Variants in SSBP2 observed in about 807,000 individuals in gnomAD.
SSBP2 encodes single stranded DNA binding protein 2.
Under a neutral mutation model 61.8 loss-of-function variants are expected in SSBP2, and 17 were observed. That is an observed-to-expected ratio of 0.28 (90% CI 0.19 to 0.41). SSBP2 has a LOEUF of 0.41. Among genes scored for constraint, SSBP2 ranks in the 10% least tolerant of loss-of-function variants. The probability of loss-of-function intolerance (pLI) is 1.00; values close to 1 mark genes in which losing one functional copy is unlikely to be tolerated. For missense variants in SSBP2, 310 were observed against 458.7 expected (o/e 0.68, Z 2.96); for synonymous variants, 139 against 141.3 (o/e 0.98, Z 0.12).
intron 4 of SSBP2, among the ~76,000 whole-genome samples, chr5:81,609,649 T>G (rs1054806182): frequency 6.6e-6 from 1 of 152,134 alleles, no homozygotes; most frequent in Admixed American, 6.5e-5. Context: ...CCAAAGACAG[T>G]TTAAAGCCTG....
chr5:81,424,851 C>T (rs1444655348), intron 16 of SSBP2, among the ~76,000 whole-genome samples: 1 of 152,196 alleles, frequency 6.6e-6, no homozygotes, highest in Non-Finnish European at 1.5e-5. Context: ...GTGTACTGTA[C>T]TGAGACCACA....
chr5:81,707,945 G>T (rs1484221144), intron 1 of SSBP2, among the ~76,000 whole-genome samples: 1 of 152,102 alleles, frequency 6.6e-6, no homozygotes, highest in Non-Finnish European at 1.5e-5. Flanking sequence ...AAGAAAAAGA[G>T]CATAAAGTAC....
intron 14 of SSBP2, among the ~76,000 whole-genome samples, chr5:81,438,366 G>T (rs1057156645): frequency 7.2e-6 from 1 of 138,522 alleles, no homozygotes; most frequent in African/African-American, 2.8e-5. Context: ...AAAAAAAAAA[G>T]AAATAGAATC....
intron 4 of SSBP2, among the ~76,000 whole-genome samples, chr5:81,565,027 C>A (rs1315236473): frequency 6.6e-6 from 1 of 152,186 alleles, no homozygotes; most frequent in Non-Finnish European, 1.5e-5. Flanking sequence ...TTGAAGTATT[C>A]TTTGCAAGAG....
chr5:81,535,602 A>G (rs772491662), intron 4 of SSBP2, among the ~76,000 whole-genome samples: 3 of 152,144 alleles, frequency 2.0e-5, no homozygotes, highest in Middle Eastern at 3.2e-3. Context: ...AAATAGACCC[A>G]TATAAATATA....
At chr5:81,738,500 T>C (rs1472877383) in intron 1 of SSBP2, among the ~76,000 whole-genome samples, 1 of 152,148 alleles carries the variant, frequency 6.6e-6, no homozygotes, top group African/African-American at 2.4e-5. Context: ...CATATCCAAG[T>C]TCCTCCCAAA....
intron 1 of SSBP2, among the ~76,000 whole-genome samples, chr5:81,704,955 C>T (rs1349010704): frequency 6.6e-6 from 1 of 151,980 alleles, no homozygotes; most frequent in Non-Finnish European, 1.5e-5. Flanking sequence ...TAATATATCA[C>T]ATTTCCAAAT....
intron 8 of SSBP2, among the ~76,000 whole-genome samples, chr5:81,467,491 CA>C (rs1260912713): frequency 6.6e-6 from 1 of 151,770 alleles, no homozygotes; most frequent in Non-Finnish European, 1.5e-5. Flanking sequence ...AAGTTAAATG[CA>C]AACTTCTATT....
At chr5:81,650,904 C>G (rs1426770524) in intron 1 of SSBP2, among the ~76,000 whole-genome samples, 1 of 152,104 alleles carries the variant, frequency 6.6e-6, no homozygotes, top group Non-Finnish European at 1.5e-5. Context: ...TCACAGCAAA[C>G]TACAGCATTA....
At chr5:81,569,568 G>T (rs1773689997) in intron 4 of SSBP2, among the ~76,000 whole-genome samples, 1 of 152,128 alleles carries the variant, frequency 6.6e-6, no homozygotes, top group African/African-American at 2.4e-5. Flanking sequence ...GCTCTCCTAT[G>T]CTGAGCTTCC....
At chr5:81,507,683 G>A (rs550011906) in intron 5 of SSBP2, among the ~76,000 whole-genome samples, 1 of 152,110 alleles carries the variant, frequency 6.6e-6, no homozygotes, top group East Asian at 1.9e-4. Flanking sequence ...TTGTGGTAAA[G>A]AACATAAAGT....
chr5:81,482,880 C>T (rs1766097690), intron 6 of SSBP2, among the ~76,000 whole-genome samples: 1 of 152,192 alleles, frequency 6.6e-6, no homozygotes. Context: ...ATGCCTTCCT[C>T]ACTAAATGTA....
In SSBP2 at chr5:81,710,520, A is replaced by G. The variant is rs115035330; in HGVS notation, c.62+40461T>C. ...TTTCTATGGAATTACTGTGTCCAATATATACTGGTCTTTTAGAAGCCAAAG... is the reference window on the plus strand; with the variant it reads ...TTTCTATGGAATTACTGTGTCCAATGTATACTGGTCTTTTAGAAGCCAAAG... On this transcript the variant is annotated intron_variant, in intron 1 of 16. Coordinates refer to ENST00000320672, the MANE Select transcript of SSBP2 (RefSeq NM_012446.5). Among the ~76,000 whole-genome samples the G allele has an allele frequency of 2.4e-3, 372 of 152,174 alleles. 4 individuals carry two copies. The highest frequency in any genetic ancestry group is 0.014 in the Middle Eastern group (4 of 294).
intron 1 of SSBP2, among the ~76,000 whole-genome samples, chr5:81,740,461 A>G (rs1167444047): frequency 1.3e-5 from 2 of 152,212 alleles, no homozygotes; most frequent in Non-Finnish European, 1.5e-5. Context: ...AAACAAAGAA[A>G]TTATTTCTAT....
intron 6 of SSBP2, among the ~76,000 whole-genome samples, chr5:81,489,028 C>T (rs1267360880): frequency 6.6e-6 from 1 of 151,962 alleles, no homozygotes; most frequent in African/African-American, 2.4e-5. Context: ...TAGTCACAGA[C>T]AATACAGAAA....
At chr5:81,495,152 A>T (rs1178345486) in intron 5 of SSBP2, among the ~76,000 whole-genome samples, 1 of 152,044 alleles carries the variant, frequency 6.6e-6, no homozygotes, top group Non-Finnish European at 1.5e-5. Context: ...CTTTCTTCAT[A>T]TTAGCTAAAG....
chr5:81,510,586 C>A (rs1466672518), intron 5 of SSBP2, among the ~76,000 whole-genome samples: 2 of 152,016 alleles, frequency 1.3e-5, no homozygotes, highest in African/African-American at 2.4e-5. Context: ...CAGGGGGAAA[C>A]CCTGTCTCTA....
intron 4 of SSBP2, among the ~76,000 whole-genome samples, chr5:81,590,713 AG>A (rs1184380962): frequency 3.0e-4 from 46 of 152,244 alleles, no homozygotes; most frequent in African/African-American, 1.1e-3. Flanking sequence ...CTTTGAGAAA[AG>A]TACAAAGCTC....
At chr5:81,633,734 G>A (rs1255281340) in intron 3 of SSBP2, among the ~76,000 whole-genome samples, 1 of 152,046 alleles carries the variant, frequency 6.6e-6, no homozygotes, top group Non-Finnish European at 1.5e-5. Context: ...ATCTCCACTT[G>A]GATGGTATGT....
Sources: allele counts gnomAD v4.1 joint callset (sites outside exome capture counted in the v4.1 genomes callset), GRCh38; gene constraint gnomAD v4.1.1; transcripts MANE v1.5; gene names NCBI Gene and HGNC (gene_info 2026-07-23, HGNC 2026-07-21).